Variants in ATP2C2 observed in about 807,000 individuals in gnomAD.
ATP2C2 encodes the protein ATPase secretory pathway Ca2+ transporting 2.
Under a neutral mutation model 110.8 loss-of-function variants are expected in ATP2C2, and 171 were observed. The ratio of observed to expected loss-of-function variants is 1.54; its 90% CI spans 1.36 to 1.75. The LOEUF is 1.75. ATP2C2 is among the 40% of genes most tolerant of loss of function. ATP2C2 has a pLI of 0.00. For missense variants in ATP2C2, 1,963 were observed against 1,235.0 expected (o/e 1.59, Z -8.84); for synonymous variants, 804 against 508.4 (o/e 1.58, Z -7.82).
chr16:84,435,655 G>A (rs1024270205), intron 11 of ATP2C2, among the ~76,000 whole-genome samples: 7 of 151,688 alleles, frequency 4.6e-5, no homozygotes, highest in African/African-American at 1.7e-4. Context: ...GTGAGACCTT[G>A]TCTCTACAAA....
At position 84,461,979 on chromosome 16, in the gene ATP2C2, T is replaced by G. The variant is rs767525132; in HGVS notation, c.2581-9T>G. The G allele has an allele frequency of 2.5e-6, 4 of 1,612,580 alleles. No homozygotes were observed. Among genetic ancestry groups the G allele is most frequent in the African/African-American group, 1.3e-5 (1 of 74,892 alleles). On this transcript the variant is annotated splice_polypyrimidine_tract_variant and intron_variant, in intron 25 of 26. Coordinates refer to ENST00000262429, the MANE Select transcript of ATP2C2 (RefSeq NM_014861.4). ...GCACACAATCCCCCGTGTGACCTTC[T>G]CCCTGCAGACCAAGCTGATATTTGA...
intron 21 of ATP2C2, among the ~76,000 whole-genome samples, chr16:84,458,508 A>T (rs11861831): frequency 0.024 from 233 of 9,622 alleles, no homozygotes; most frequent in East Asian, 0.095. Flanking sequence ...AAAAAAAAAA[A>T]TTTAAATAAA....
chr16:84,410,166 A>G (rs548832678), intron 4 of ATP2C2, among the ~76,000 whole-genome samples: 30 of 152,280 alleles, frequency 2.0e-4, no homozygotes, highest in African/African-American at 7.2e-4. Context: ...CCAAGATCAC[A>G]CCACTGCACT....
intron 1 of ATP2C2, among the ~76,000 whole-genome samples, chr16:84,386,555 T>C (rs1490155964): frequency 6.6e-6 from 1 of 152,240 alleles, no homozygotes; most frequent in Admixed American, 6.5e-5. Flanking sequence ...GCAAGGTTCA[T>C]GCTCCAAGTA....
intron 1 of ATP2C2, among the ~76,000 whole-genome samples, chr16:84,392,073 A>T (rs1395624459): frequency 1.3e-5 from 2 of 151,694 alleles, no homozygotes; most frequent in Non-Finnish European, 2.9e-5. Context: ...TGTATTTTGT[A>T]TTGGAGAATT....
At chr16:84,455,764 A>G (rs1479714440) in intron 21 of ATP2C2, among the ~76,000 whole-genome samples, 3 of 151,152 alleles carry the variant, frequency 2.0e-5, no homozygotes, top group South Asian at 2.1e-4. Context: ...AAAAAAAAAA[A>G]AGTCATAGAT....
Position 84,462,054 on chromosome 16 carries a change from A to G in ATP2C2, c.2647A>G (p.Ile883Val), listed in dbSNP as rs866842675. ...GTTCCTCTACTCCGTCCTGGGGTCC[A>G]TCCTGGGGCAGCTGGCGGTCATTTA... is the stretch of plus-strand genomic sequence containing the variant. Reference protein sequence around the residue: ...HMFLYSVLGSILGQLAVIYIP... With the variant: ...HMFLYSVLGSVLGQLAVIYIP... Residue 883 changes from isoleucine to valine, a missense_variant, in exon 26 of 27, where the codon ATC (isoleucine) becomes GTC (valine). Physicochemically the swap from Ile to Val is conservative, Grantham distance 29. Coordinates refer to ENST00000262429, the MANE Select transcript of ATP2C2 (RefSeq NM_014861.4). The G allele has an allele frequency of 6.2e-7, 1 of 1,614,040 alleles. No homozygotes were observed. The highest frequency in any genetic ancestry group is 8.5e-7 in the Non-Finnish European group (1 of 1,179,962).
intron 1 of ATP2C2, among the ~76,000 whole-genome samples, chr16:84,372,525 C>T (rs1465089201): frequency 2.0e-5 from 3 of 152,022 alleles, no homozygotes; most frequent in Admixed American, 2.0e-4. Flanking sequence ...CCTCTGCCTC[C>T]CAGATTCTCC....
chr16:84,368,742 G>T, intron 1 of ATP2C2, 28 bp downstream of exon 1: 1 of 1,476,328 alleles, frequency 6.8e-7, no homozygotes. Flanking sequence ...CGCGCCGGGC[G>T]TGCGACCCGA....
chr16:84,460,881 C>G (rs1184102047), intron 24 of ATP2C2, 80 bp downstream of exon 24: 3 of 1,491,334 alleles, frequency 2.0e-6, no homozygotes, highest in Non-Finnish European at 2.7e-6. Context: ...TGCCCTCCTG[C>G]CACAGCTCAC....
chr16:84,453,474 AC>A (rs1910506877), intron 20 of ATP2C2, 103 bp downstream of exon 20: 2 of 1,474,632 alleles, frequency 1.4e-6, no homozygotes, highest in Non-Finnish European at 1.9e-6. Context: ...GCAGGGCCCG[AC>A]CGTGGCTTCC....
chr16:84,408,527 G>A (rs755514091), intron 4 of ATP2C2, 33 bp downstream of exon 4: 60 of 1,574,000 alleles, frequency 3.8e-5, no homozygotes, highest in African/African-American at 2.2e-4. Flanking sequence ...GCTCCCGGGC[G>A]GGCAGCCACA....
intron 1 of ATP2C2, among the ~76,000 whole-genome samples, chr16:84,377,580 C>G (rs1297523869): frequency 6.6e-6 from 1 of 152,090 alleles, no homozygotes; most frequent in East Asian, 1.9e-4. Flanking sequence ...GTGTCCTAAT[C>G]TCCTCCTTTT....
rs143395598 is a variant in ATP2C2, at chr16:84,372,056, C to T, written c.99+3342C>T. 2.0e-3 allele frequency among the ~76,000 whole-genome samples: 305 copies of T among 152,174 alleles called. 4 individuals are homozygous for T. Among genetic ancestry groups the T allele is most frequent in the African/African-American group, 6.9e-3 (288 of 41,520 alleles). Reference sequence around the variant, plus strand: ...CTGGATGAAGGGCAGGGATTGACAGCGAGTTCTAGACAGAAGAGGTAGAGG... The same window carrying T: ...CTGGATGAAGGGCAGGGATTGACAGTGAGTTCTAGACAGAAGAGGTAGAGG... On this transcript the variant is annotated intron_variant, in intron 1 of 26. Coordinates refer to ENST00000262429, the MANE Select transcript of ATP2C2 (RefSeq NM_014861.4).
intron 11 of ATP2C2, among the ~76,000 whole-genome samples, chr16:84,429,566 G>C (rs1770766895): frequency 6.6e-6 from 1 of 152,108 alleles, no homozygotes; most frequent in Non-Finnish European, 1.5e-5. Context: ...TGTAGTGTTG[G>C]GATTGGGGGA....
intron 11 of ATP2C2, among the ~76,000 whole-genome samples, chr16:84,435,500 T>C (rs1908656662): frequency 6.6e-6 from 1 of 152,198 alleles, no homozygotes; most frequent in Non-Finnish European, 1.5e-5. Context: ...TATACCTCCT[T>C]GCTTTGCTGG....
At chr16:84,459,247 G>A (rs758660634) in intron 22 of ATP2C2, 23 bp from the exon 23 acceptor site, 1 of 1,614,012 alleles carries the variant, frequency 6.2e-7, no homozygotes, top group African/African-American at 1.3e-5. Context: ...GGCGGCCGCT[G>A]ACTGGCTGCG....
rs911539261 is a variant in ATP2C2, at chr16:84,459,320, C to T, written c.2267C>T (p.Pro756Leu). ...ACTCTGTCCACCGTGTTCAACCTGCCCAGCCCCCTCAACGCCATGCAGATC... is the reference window on the plus strand; with the variant it reads ...ACTCTGTCCACCGTGTTCAACCTGCTCAGCCCCCTCAACGCCATGCAGATC... Reference protein sequence around the residue: ...LITLSTVFNLPSPLNAMQILW... With the variant: ...LITLSTVFNLLSPLNAMQILW... The change falls in exon 23 of 27, where the codon CCC becomes CTC. Residue 756 changes from proline to leucine, a missense_variant. By Grantham distance (98) the Pro-to-Leu change is moderately conservative (BLOSUM62 -3). Transcript: ENST00000262429. The T allele has an allele frequency of 1.2e-6, 2 of 1,614,200 alleles. No individual in the cohort carries two copies. Among genetic ancestry groups the T allele is most frequent in the Non-Finnish European group, 1.7e-6 (2 of 1,180,032 alleles).
At position 84,415,589 on chromosome 16, in the gene ATP2C2, G is replaced by A; in HGVS notation, c.622G>A (p.Glu208Lys). The A allele has an allele frequency of 6.2e-7, 1 of 1,610,106 alleles. No individual in the cohort carries two copies. The highest frequency in any genetic ancestry group is 1.3e-5 in the African/African-American group (1 of 74,950). The change falls in exon 7 of 27, where the codon GAG (glutamate) becomes AAG (lysine). Residue 208 changes from glutamate to lysine, a missense_variant and splice_region_variant. Glu to Lys is a moderately conservative substitution (Grantham distance 56). Coordinates refer to ENST00000262429, the MANE Select transcript of ATP2C2 (RefSeq NM_014861.4). ...GATCCCTGCAGACATCCGACTCACT[G>A]AGGTGAGTGGTTCCAAACCCTTGTC... Reference protein sequence around the residue: ...DRIPADIRLTEVTDLLVDESS... With the variant: ...DRIPADIRLTKVTDLLVDESS...
Sources: allele counts gnomAD v4.1 joint callset (sites outside exome capture counted in the v4.1 genomes callset), GRCh38; gene constraint gnomAD v4.1.1; transcripts MANE v1.5; gene names NCBI Gene and HGNC (gene_info 2026-07-23, HGNC 2026-07-21).